RBMS1: variants seen among roughly 807,000 people sequenced by gnomAD.
RBMS1 encodes RNA-binding motif, single-stranded-interacting protein 1.
Under a neutral mutation model 62.3 loss-of-function variants are expected in RBMS1, and 17 were observed. The observed-to-expected ratio is 0.27, with a 90% CI of 0.19 to 0.41. The LOEUF is 0.41. RBMS1 is among the 10% of genes least tolerant of loss of function. The pLI is 1.00. For missense variants in RBMS1, 334 were observed against 504.5 expected (o/e 0.66, Z 3.24); for synonymous variants, 172 against 170.0 (o/e 1.01, Z -0.09).
chr2:160,276,344 C>T (rs931869210), intron 12 of RBMS1, among the ~76,000 whole-genome samples: 1 of 149,900 alleles, frequency 6.7e-6, no homozygotes, highest in Non-Finnish European at 1.5e-5. Flanking sequence ...ACTACTACCA[C>T]CACCACCACC....
chr2:160,366,487 A>T (rs6746368), intron 2 of RBMS1, among the ~76,000 whole-genome samples: 53,322 of 152,082 alleles, frequency 0.35, 9,585 homozygotes, highest in East Asian at 0.53. Context: ...TGATGCTTTC[A>T]GTCCTTACAC....
At chr2:160,282,714 T>C (rs754380028) in intron 9 of RBMS1, 1 of 163,364 alleles carries the variant, frequency 6.1e-6, no homozygotes, top group Non-Finnish European at 1.3e-5. Context: ...GTAAACTCTT[T>C]ACTATTGGTT....
chr2:160,407,593 A>C, intron 1 of RBMS1: 1 of 981,582 alleles, frequency 1.0e-6, no homozygotes, highest in Non-Finnish European at 1.2e-6. Flanking sequence ...CCTCGCCGCG[A>C]GGGGGAGGGC....
chr2:160,358,640 G>C (rs1348349877), intron 2 of RBMS1, among the ~76,000 whole-genome samples: 1 of 151,858 alleles, frequency 6.6e-6, no homozygotes, highest in East Asian at 1.9e-4. Flanking sequence ...TTTGTAAATG[G>C]GTGCAAGAAG....
intron 2 of RBMS1, among the ~76,000 whole-genome samples, chr2:160,353,838 T>C (rs896077987): frequency 2.0e-5 from 3 of 152,064 alleles, no homozygotes; most frequent in African/African-American, 7.2e-5. Flanking sequence ...TAAAAAAGCT[T>C]CCCAGTAGCA....
At chr2:160,456,905 T>A (rs963755026) in intron 1 of RBMS1, among the ~76,000 whole-genome samples, 8 of 152,084 alleles carry the variant, frequency 5.3e-5, no homozygotes, top group African/African-American at 1.7e-4. Context: ...CTGTGGGCTA[T>A]TTTATCAACA....
chr2:160,434,172 T>G (rs1319026110), intron 1 of RBMS1, among the ~76,000 whole-genome samples: 1 of 152,118 alleles, frequency 6.6e-6, no homozygotes, highest in Non-Finnish European at 1.5e-5. Flanking sequence ...AAATAAAACG[T>G]TTAAAAGTAA....
rs1484677769 is a variant in RBMS1 at position 160,300,641 on chromosome 2, A to G, written c.640+10T>C. 6.3e-7 allele frequency: 1 copy of G among 1,586,958 alleles called. No homozygotes were observed. Among genetic ancestry groups the G allele is most frequent in the African/African-American group, 1.4e-5 (1 of 73,684 alleles). ...AAGACTACTGATGAAGTTTCAGACAAACAACATACCAGAAACTCCTGGTGG... is the reference window on the plus strand; with the variant it reads ...AAGACTACTGATGAAGTTTCAGACAGACAACATACCAGAAACTCCTGGTGG... On this transcript the variant is annotated intron_variant, in intron 6 of 13. Coordinates refer to ENST00000348849, the MANE Select transcript of RBMS1 (RefSeq NM_016836.4).
At chr2:160,327,808 A>C (rs542839748) in intron 2 of RBMS1, among the ~76,000 whole-genome samples, 23 of 152,316 alleles carry the variant, frequency 1.5e-4, no homozygotes, top group Non-Finnish European at 2.5e-4. Context: ...CATAAAAATG[A>C]ATCCCTAAAT....
chr2:160,447,382 G>T (rs1326187942), intron 1 of RBMS1, among the ~76,000 whole-genome samples: 1 of 152,148 alleles, frequency 6.6e-6, no homozygotes, highest in African/African-American at 2.4e-5. Context: ...GCTAAGAAAT[G>T]GAGCTGCAGG....
chr2:160,388,551 G>C (rs960765800), intron 1 of RBMS1, among the ~76,000 whole-genome samples: 2 of 152,134 alleles, frequency 1.3e-5, no homozygotes, highest in Non-Finnish European at 1.5e-5. Context: ...CTCTGGGTCC[G>C]TGTCACTCCC....
At chr2:160,316,677 A>T (rs1690240805) in intron 3 of RBMS1, among the ~76,000 whole-genome samples, 1 of 152,190 alleles carries the variant, frequency 6.6e-6, no homozygotes, top group African/African-American at 2.4e-5. Flanking sequence ...GTGGTGAAGC[A>T]TTCAACCTCT....
In RBMS1 at chr2:160,471,705, AT is replaced by A. The variant is rs1234785930; in HGVS notation, c.75+21583del. 5.5e-4 allele frequency among the ~76,000 whole-genome samples: 57 copies of A among 103,034 alleles called. 2 individuals carry two copies. Among genetic ancestry groups the A allele is most frequent in the African/African-American group, 1.6e-3 (50 of 31,700 alleles). The allele number at this position is 103,034 out of a possible 152,430, so 67.6% of individuals were successfully genotyped here. ...AATCCTTTGGTGTATATATATATAT[AT>A]ATATATATATAACCTTTCATACATT... On this transcript the variant is annotated intron_variant, in intron 1 of 13. Coordinates refer to ENST00000348849, the MANE Select transcript of RBMS1 (RefSeq NM_016836.4).
At chr2:160,369,812 G>GTC (rs573598662) in intron 1 of RBMS1, among the ~76,000 whole-genome samples, 157 of 152,330 alleles carry the variant, frequency 1.0e-3, no homozygotes, top group African/African-American at 3.6e-3. Flanking sequence ...TTTGCCAGGA[G>GTC]TGGAAAGGGA....
At chr2:160,352,178 G>C (rs146605469) in intron 2 of RBMS1, among the ~76,000 whole-genome samples, 4 of 152,210 alleles carry the variant, frequency 2.6e-5, no homozygotes, top group Middle Eastern at 3.4e-3. Context: ...GAGAAGTTCT[G>C]TTTTTCCCAG....
intron 1 of RBMS1, among the ~76,000 whole-genome samples, chr2:160,425,484 T>C (rs1682512033): frequency 6.6e-6 from 1 of 152,098 alleles, no homozygotes; most frequent in Non-Finnish European, 1.5e-5. Flanking sequence ...GTACTGTGCA[T>C]GGAGAAGGAG....
intron 2 of RBMS1, among the ~76,000 whole-genome samples, chr2:160,337,557 G>A (rs1691645738): frequency 6.6e-6 from 1 of 151,994 alleles, no homozygotes; most frequent in Non-Finnish European, 1.5e-5. Context: ...CTTTGAATGA[G>A]CTTTAATCAT....
chr2:160,423,683 A>G (rs1206987472), intron 1 of RBMS1, among the ~76,000 whole-genome samples: 8 of 152,020 alleles, frequency 5.3e-5, no homozygotes. Context: ...CACAACTAAC[A>G]TTTCAGTAAT....
chr2:160,471,687 T>TGG lies in RBMS1; in HGVS notation c.75+21600_75+21601dup, dbSNP rs1414399305. 3.9e-4 allele frequency among the ~76,000 whole-genome samples: 5 copies of TGG among 12,980 alleles called. 1 individual carries two copies. The highest frequency in any genetic ancestry group is 8.3e-4 in the African/African-American group (5 of 6,052). The allele number at this position is 12,980 out of a possible 152,430, so 8.5% of individuals were successfully genotyped here. A position where few individuals can be genotyped will look rare whatever the true frequency, so the allele number is the denominator to read the frequency against. ...ACAAAATCATGTTTGGGAAATCCTT[T>TGG]GGTGTATATATATATATATATATAT... On this transcript the variant is annotated intron_variant, in intron 1 of 13. Coordinates refer to ENST00000348849, the MANE Select transcript of RBMS1 (RefSeq NM_016836.4).
Sources: gnomAD v4.1 joint callset for allele counts (sites outside exome capture counted in the v4.1 genomes callset) on GRCh38, gnomAD v4.1.1 for gene constraint, MANE v1.5 for transcripts, NCBI Gene and HGNC (gene_info 2026-07-23, HGNC 2026-07-21) for gene names.